OSTF1: variants seen among roughly 807,000 people sequenced by gnomAD.
OSTF1 encodes the protein osteoclast-stimulating factor 1.
In OSTF1, 27 loss-of-function variants were observed where a neutral mutation model predicts 37.2. The ratio of observed to expected loss-of-function variants is 0.73; its 90% CI spans 0.54 to 1.00. OSTF1 has a LOEUF of 1.00. Ranked by LOEUF, OSTF1 falls within the 50% of genes least tolerant of loss-of-function variation. The probability of loss-of-function intolerance (pLI) is 0.00; values close to 1 mark genes in which losing one functional copy is unlikely to be tolerated. For missense variants in OSTF1, 232 were observed against 253.8 expected, an observed-to-expected ratio of 0.91 and a Z score of 0.58; for synonymous variants, 82 against 89.2, an observed-to-expected ratio of 0.92 and a Z score of 0.46.
At chr9:75,094,372 GT>G (rs796781294) in intron 1 of OSTF1, among the ~76,000 whole-genome samples, 215 of 143,434 alleles carry the variant, frequency 1.5e-3, no homozygotes, top group Middle Eastern at 3.6e-3. Context: ...AAAAAGGTGG[GT>G]TTTTTTTTTT....
chr9:75,124,072 C>G (rs990258549), intron 2 of OSTF1, among the ~76,000 whole-genome samples: 5 of 152,088 alleles, frequency 3.3e-5, no homozygotes, highest in African/African-American at 1.2e-4. Flanking sequence ...CTATTTTGGG[C>G]TTTATTACTT....
chr9:75,142,882 A>G (rs141116034), intron 9 of OSTF1, among the ~76,000 whole-genome samples: 2 of 151,936 alleles, frequency 1.3e-5, no homozygotes, highest in African/African-American at 2.4e-5. Context: ...ATTTGGCCAT[A>G]GAGTTAATTG....
intron 7 of OSTF1, among the ~76,000 whole-genome samples, chr9:75,137,005 G>T (rs905297838): frequency 2.0e-5 from 3 of 152,082 alleles, no homozygotes; most frequent in Non-Finnish European, 4.4e-5. Flanking sequence ...TGAGTTTCTG[G>T]CCTTTTGCTA....
chr9:75,091,081 C>CTT lies in OSTF1; in HGVS notation c.34+2376_34+2377dup, dbSNP rs35343834. On this transcript the variant is annotated intron_variant, in intron 1 of 9. Transcript: ENST00000346234. ...AGGTAGTCTGGCTTTGAAGTCTGCA[C>CTT]TTTTTTTTTTTTTTTTTTTTTTGAG... Among the ~76,000 whole-genome samples, 827 of 93,624 alleles carry CTT rather than the reference C, an allele frequency of 8.8e-3. 25 individuals are homozygous for CTT. The highest frequency in any genetic ancestry group is 0.019 in the African/African-American group (418 of 22,582). The allele number at this position is 93,624 out of a possible 152,430, so 61.4% of individuals were successfully genotyped here. A position where few individuals can be genotyped will look rare whatever the true frequency, so the allele number is the denominator to read the frequency against.
At chr9:75,143,428 T>C (rs1043476698) in intron 9 of OSTF1, among the ~76,000 whole-genome samples, 5 of 152,196 alleles carry the variant, frequency 3.3e-5, no homozygotes, top group African/African-American at 9.6e-5. Flanking sequence ...TTTACACCTG[T>C]TCACCACAAC....
chr9:75,099,822 C>T lies in OSTF1; in HGVS notation c.34+11096C>T, dbSNP rs1009383478. Among the ~76,000 whole-genome samples the T allele has an allele frequency of 5.3e-5, 8 of 151,198 alleles. No individual in the cohort carries two copies. The East Asian group carries it at 1.5e-3, about 29-fold the overall frequency. ...CCAGCCTGGGCAATAGTGTGAGACT[C>T]TGTTTCAGAAAAAAAAAAAGTGTTG... On this transcript the variant is annotated intron_variant, in intron 1 of 9. Coordinates refer to ENST00000346234, the MANE Select transcript of OSTF1 (RefSeq NM_012383.5).
chr9:75,126,001 C>A (rs1267927235), intron 2 of OSTF1, among the ~76,000 whole-genome samples: 7 of 152,106 alleles, frequency 4.6e-5, no homozygotes, highest in Non-Finnish European at 7.4e-5. Context: ...CCTCTGCCTC[C>A]CAGGTTCAAG....
At chr9:75,146,240 T>A (rs1826022251) in intron 9 of OSTF1, among the ~76,000 whole-genome samples, 1 of 152,250 alleles carries the variant, frequency 6.6e-6, no homozygotes, top group African/African-American at 2.4e-5. Context: ...TACATTGAAA[T>A]GGAAGCTTCT....
chr9:75,117,476 C>G, intron 1 of OSTF1, 28 bp from the exon 2 acceptor site: 1 of 1,566,620 alleles, frequency 6.4e-7, no homozygotes, highest in Non-Finnish European at 8.8e-7. Context: ...ATGAAAAATT[C>G]AGTTGTTGTT....
At chr9:75,090,311 G>A (rs1412817643) in intron 1 of OSTF1, among the ~76,000 whole-genome samples, 2 of 150,516 alleles carry the variant, frequency 1.3e-5, no homozygotes, top group African/African-American at 2.5e-5. Context: ...GTGTGTGTGT[G>A]TGTGTGTGTG....
At chr9:75,123,788 A>G (rs555692682) in intron 2 of OSTF1, among the ~76,000 whole-genome samples, 4 of 152,266 alleles carry the variant, frequency 2.6e-5, no homozygotes, top group African/African-American at 9.6e-5. Flanking sequence ...AAAGAGAATA[A>G]ACTGTCGACT....
intron 2 of OSTF1, among the ~76,000 whole-genome samples, chr9:75,121,978 C>T (rs890255216): frequency 1.4e-4 from 22 of 152,298 alleles, no homozygotes; most frequent in African/African-American, 3.1e-4. Flanking sequence ...ACAGGAAGAA[C>T]GCTAGGTAGC....
At chr9:75,145,167 C>CTATA (rs1826002345) in intron 9 of OSTF1, among the ~76,000 whole-genome samples, 1 of 63,914 alleles carries the variant, frequency 1.6e-5, no homozygotes, top group Non-Finnish European at 3.1e-5. Flanking sequence ...ATCTACCTAT[C>CTATA]TATCTATCTA....
In OSTF1 at chr9:75,088,648, G is replaced by A. The variant is rs912628730; in HGVS notation, c.-45G>A. 3.8e-6 allele frequency: 6 copies of A among 1,594,138 alleles called. No individual in the cohort carries two copies. The highest frequency in any genetic ancestry group is 5.1e-6 in the Non-Finnish European group (6 of 1,169,612). On this transcript the variant is annotated 5_prime_UTR_variant, in exon 1 of 10. Coordinates refer to ENST00000346234, the MANE Select transcript of OSTF1 (RefSeq NM_012383.5). ...AGTGCCAGGTGGCGGGCAAGCGGTG[G>A]GCTTTTCGGCGGGGTCTTTAGGATT...
At position 75,143,783 on chromosome 9, in the gene OSTF1, C is replaced by T. The variant is rs540527663; in HGVS notation, c.586+2851C>T. Among the ~76,000 whole-genome samples, 6 of 152,270 alleles carry T rather than the reference C, an allele frequency of 3.9e-5. No homozygotes were observed. The South Asian group carries it at 1.0e-3, about 26-fold the overall frequency. ...TGCTGCAGGAAGATACATTCCTATG[C>T]GTGCTATGCCCAGAGGTGGGCTGTG... On this transcript the variant is annotated intron_variant, in intron 9 of 9. Coordinates refer to ENST00000346234, the MANE Select transcript of OSTF1 (RefSeq NM_012383.5).
intron 8 of OSTF1, among the ~76,000 whole-genome samples, chr9:75,138,807 G>A (rs1271969433): frequency 6.6e-6 from 1 of 151,910 alleles, no homozygotes; most frequent in Non-Finnish European, 1.5e-5. Flanking sequence ...ATGTCTATGA[G>A]CTCTAAAGTA....
At chr9:75,129,105 C>T (rs1052544224) in intron 3 of OSTF1, among the ~76,000 whole-genome samples, 4 of 152,030 alleles carry the variant, frequency 2.6e-5, no homozygotes, top group Admixed American at 6.6e-5. Flanking sequence ...GACTTGGGAA[C>T]GAACTTGAAG....
intron 1 of OSTF1, among the ~76,000 whole-genome samples, chr9:75,109,616 A>G (rs1476312038): frequency 1.3e-5 from 2 of 152,150 alleles, no homozygotes; most frequent in Non-Finnish European, 2.9e-5. Flanking sequence ...AAAAGTGTTG[A>G]GGTGACTCAC....
Position 75,102,577 on chromosome 9 carries a change from C to G in OSTF1, c.34+13851C>G, listed in dbSNP as rs1239598845. Among the ~76,000 whole-genome samples the G allele has an allele frequency of 2.0e-5, 3 of 152,288 alleles. No individual in the cohort carries two copies. In the East Asian group the frequency reaches 5.8e-4, roughly 29 times the overall value. On this transcript the variant is annotated intron_variant, in intron 1 of 9. Transcript: ENST00000346234. ...GGATCTCGAAAAAGTTTGAAAACCTCTAGCATCCGCTCATGCCCCAGTTTA... is the reference window on the plus strand; with the variant it reads ...GGATCTCGAAAAAGTTTGAAAACCTGTAGCATCCGCTCATGCCCCAGTTTA...
Sources: gnomAD v4.1 joint callset for allele counts (sites outside exome capture counted in the v4.1 genomes callset) on GRCh38, gnomAD v4.1.1 for gene constraint, MANE v1.5 for transcripts, NCBI Gene and HGNC (gene_info 2026-07-23, HGNC 2026-07-21) for gene names.